The following ARFGEF2 variants were observed in gnomAD, a reference collection of about 807,000 sequenced individuals.
The protein encoded by ARFGEF2 is brefeldin A-inhibited guanine nucleotide-exchange protein 2.
Under a neutral mutation model 219.9 loss-of-function variants are expected in ARFGEF2, and 74 were observed. That is an observed-to-expected ratio of 0.34 (90% CI 0.28 to 0.41). The LOEUF is 0.41. Ranked by LOEUF, ARFGEF2 falls within the 10% of genes least tolerant of loss-of-function variation. The pLI is 1.00. For missense variants in ARFGEF2, 1,743 were observed against 2,218.3 expected (o/e 0.79, Z 4.30); for synonymous variants, 733 against 799.2 (o/e 0.92, Z 1.40).
At chr20:49,017,748 G>A (rs1414962538) in intron 33 of ARFGEF2, among the ~76,000 whole-genome samples, 198 bp downstream of exon 33, 1 of 152,098 alleles carries the variant, frequency 6.6e-6, no homozygotes, top group African/African-American at 2.4e-5. Flanking sequence ...CAAGTAAAAA[G>A]CACAGTTTAC....
intron 1 of ARFGEF2, among the ~76,000 whole-genome samples, chr20:48,924,305 C>T (rs1046591883): frequency 6.6e-6 from 1 of 151,926 alleles, no homozygotes; most frequent in African/African-American, 2.4e-5. Flanking sequence ...GTCAGGAGAT[C>T]GAAACCATCC....
At chr20:48,929,689 TG>T (rs2090901528) in intron 1 of ARFGEF2, among the ~76,000 whole-genome samples, 1 of 152,098 alleles carries the variant, frequency 6.6e-6, no homozygotes, top group Non-Finnish European at 1.5e-5. Flanking sequence ...ATTAAGTAGT[TG>T]GGGGCAGGAG....
At chr20:48,967,154 G>GT (rs966125325) in intron 8 of ARFGEF2, among the ~76,000 whole-genome samples, 8 of 152,184 alleles carry the variant, frequency 5.3e-5, no homozygotes, top group African/African-American at 1.9e-4. Context: ...CCAGAATAAT[G>GT]TTTTTTTCCC....
intron 14 of ARFGEF2, among the ~76,000 whole-genome samples, chr20:48,978,918 A>G (rs1293204720): frequency 6.6e-6 from 1 of 152,228 alleles, no homozygotes; most frequent in Non-Finnish European, 1.5e-5. Context: ...GTCATCTGCA[A>G]ACAGGGACAA....
rs573870692 is a variant in ARFGEF2, at chr20:48,978,720, A to G, written c.1958+2521A>G. On this transcript the variant is annotated intron_variant, in intron 14 of 38. Transcript: ENST00000371917. The stretch of plus-strand genomic sequence containing the variant: ...TGTAAGTTGGATTCCTAGGTATTTT[A>G]TTCTCTTTGTAGCAATTGTGAATGG... Among the ~76,000 whole-genome samples, 4 of 152,182 alleles carry G rather than the reference A, an allele frequency of 2.6e-5. No individual in the cohort carries two copies. In the East Asian group the frequency reaches 5.8e-4, roughly 22 times the overall value.
intron 14 of ARFGEF2, 129 bp from the exon 15 acceptor site, chr20:48,984,600 C>A: frequency 8.3e-7 from 1 of 1,207,208 alleles, no homozygotes; most frequent in Non-Finnish European, 1.2e-6. Context: ...CCAGGACAGA[C>A]ATGACCTTGC....
rs1488611685 is a variant in ARFGEF2, at chr20:49,035,792, C to T, written c.*2593C>T. On this transcript the variant is annotated 3_prime_UTR_variant, in exon 39 of 39. Transcript: ENST00000371917. ...GAGCAATTTTGTTTCTCTTCATTGT[C>T]TGTTAGGGAAATCACCAGCTTTGGC... is the stretch of plus-strand genomic sequence containing the variant. 1 of 165,748 alleles carries T rather than the reference C, an allele frequency of 6.0e-6. No individual in the cohort carries two copies. The highest frequency in any genetic ancestry group is 2.4e-5 in the African/African-American group (1 of 41,970). The allele number at this position is 165,748 out of a possible 1,614,324, so 10.3% of individuals were successfully genotyped here.
rs1316234154 is a variant in ARFGEF2, at chr20:49,005,233, G to A, written c.3584+12G>A. ...ATGAAGAAAAACAGGTATGTGTTTT[G>A]CTCTGGAAGACGCTTGGTCAAATTC... is the stretch of plus-strand genomic sequence containing the variant. On this transcript the variant is annotated intron_variant, in intron 26 of 38. Coordinates refer to ENST00000371917, the MANE Select transcript of ARFGEF2 (RefSeq NM_006420.3). 9.9e-6 allele frequency: 16 copies of A among 1,613,870 alleles called. No homozygotes were observed. The highest frequency in any genetic ancestry group is 1.4e-5 in the Non-Finnish European group (16 of 1,180,010).
At chr20:48,969,474 A>T (rs2091211930) in intron 9 of ARFGEF2, among the ~76,000 whole-genome samples, 197 bp downstream of exon 9, 1 of 152,206 alleles carries the variant, frequency 6.6e-6, no homozygotes, top group Non-Finnish European at 1.5e-5. Flanking sequence ...CTGTATCCCC[A>T]CCAACCAAGA....
intron 21 of ARFGEF2, 71 bp from the exon 22 acceptor site, chr20:48,994,380 A>C (rs2091374125): frequency 5.0e-6 from 8 of 1,597,290 alleles, no homozygotes; most frequent in Non-Finnish European, 6.8e-6. Flanking sequence ...TTAATGACTA[A>C]CTTAAGATTA....
chr20:48,998,175 C>A lies in ARFGEF2; in HGVS notation c.3222-18C>A. On this transcript the variant is annotated intron_variant, in intron 23 of 38. Transcript: ENST00000371917. ...ACACCCGGTCTAATGTTTATTTTGTCTGGAATTATCTTCCTAGGATTTTTA... is the reference window on the plus strand; with the variant it reads ...ACACCCGGTCTAATGTTTATTTTGTATGGAATTATCTTCCTAGGATTTTTA... The A allele has an allele frequency of 1.2e-6, 2 of 1,613,362 alleles. No individual in the cohort carries two copies. The highest frequency in any genetic ancestry group is 2.2e-5 in the South Asian group (2 of 91,010).
At chr20:48,933,362 CT>C (rs555185942) in intron 1 of ARFGEF2, among the ~76,000 whole-genome samples, 56 of 152,278 alleles carry the variant, frequency 3.7e-4, no homozygotes, top group African/African-American at 1.3e-3. Flanking sequence ...TGGATCCTGA[CT>C]GCAGAGTAGC....
chr20:49,014,482 T>C (rs945704169), intron 30 of ARFGEF2, among the ~76,000 whole-genome samples: 1 of 152,192 alleles, frequency 6.6e-6, no homozygotes, highest in Non-Finnish European at 1.5e-5. Context: ...TTATTTCTTT[T>C]GGGAACACCA....
At chr20:48,962,270 ATTC>A (rs1453774275) in intron 6 of ARFGEF2, among the ~76,000 whole-genome samples, 4 of 152,360 alleles carry the variant, frequency 2.6e-5, no homozygotes, top group South Asian at 4.1e-4. Context: ...TGCATGTGCT[ATTC>A]TTTTATATGA....
chr20:48,921,938 A>G lies in ARFGEF2; in HGVS notation c.49A>G (p.Lys17Glu), dbSNP rs1156311854. ...KSMFVSRALE[K>E]ILADKEVKRP... ...CATGTTCGTGTCCCGGGCCCTGGAG[A>G]AGATCCTAGCCGACAAGGAGGTGAA... is the stretch of plus-strand genomic sequence containing the variant. The change falls in exon 1 of 39, where the codon AAG becomes GAG. Residue 17 changes from lysine (K) to glutamate (E), a missense_variant. Lys to Glu is a moderately conservative substitution (Grantham distance 56). Transcript: ENST00000371917. The G allele has an allele frequency of 9.6e-6, 15 of 1,564,014 alleles. No homozygotes were observed. The highest frequency in any genetic ancestry group is 1.0e-5 in the Non-Finnish European group (12 of 1,154,468).
intron 14 of ARFGEF2, 90 bp downstream of exon 14, chr20:48,976,289 T>C: frequency 6.6e-7 from 1 of 1,517,902 alleles, no homozygotes; most frequent in South Asian, 1.2e-5. Context: ...AGGAAATGCC[T>C]GTTTACAAAA....
chr20:48,925,858 G>A (rs148368758), intron 1 of ARFGEF2, among the ~76,000 whole-genome samples: 97 of 152,144 alleles, frequency 6.4e-4, no homozygotes, highest in African/African-American at 2.2e-3. Context: ...GTAATGGCTA[G>A]GTGCTCTATA....
chr20:48,958,800 C>T (rs2091121326), intron 6 of ARFGEF2, among the ~76,000 whole-genome samples: 1 of 152,184 alleles, frequency 6.6e-6, no homozygotes. Context: ...CTGCTCTTGA[C>T]AGACATGTTA....
chr20:48,995,544 T>C (rs1464724051), intron 22 of ARFGEF2, among the ~76,000 whole-genome samples: 4 of 152,132 alleles, frequency 2.6e-5, no homozygotes, highest in African/African-American at 9.7e-5. Flanking sequence ...TGTAAAAGAT[T>C]ATAGAGAAAG....
Sources: gnomAD v4.1 joint callset for allele counts (sites outside exome capture counted in the v4.1 genomes callset) on GRCh38, gnomAD v4.1.1 for gene constraint, MANE v1.5 for transcripts, NCBI Gene and HGNC (gene_info 2026-07-23, HGNC 2026-07-21) for gene names.